Variants in LINGO1 observed in about 807,000 individuals in gnomAD.
The protein encoded by LINGO1 is leucine rich repeat and Ig domain containing 1.
In LINGO1, 11 loss-of-function variants were observed where a neutral mutation model predicts 37.3. The ratio of observed to expected loss-of-function variants is 0.29; its 90% CI spans 0.19 to 0.49. LINGO1 has a LOEUF of 0.49. Ranked by LOEUF, LINGO1 falls within the 20% of genes least tolerant of loss-of-function variation. The pLI is 0.99. For missense variants in LINGO1, 585 were observed against 878.2 expected (o/e 0.67, Z 4.22); for synonymous variants, 387 against 403.0 (o/e 0.96, Z 0.48).
intron 3 of LINGO1, among the ~76,000 whole-genome samples, chr15:77,643,261 C>T (rs570744127): frequency 1.1e-4 from 17 of 152,302 alleles, no homozygotes; most frequent in Non-Finnish European, 1.5e-4. Flanking sequence ...GGGAGCAGGA[C>T]GGCTGTGTGG....
At chr15:77,786,720 C>T (rs2076774995) in intron 1 of LINGO1, 1 of 152,340 alleles carries the variant, frequency 6.6e-6, no homozygotes, top group Non-Finnish European at 1.5e-5. Flanking sequence ...TGTACTGGGG[C>T]AGAGTCAAAG....
chr15:77,621,707 C>T (rs1050797893), intron 1 of LINGO1, among the ~76,000 whole-genome samples: 11 of 152,194 alleles, frequency 7.2e-5, no homozygotes, highest in Non-Finnish European at 1.2e-4. Context: ...TTCCAGAAAA[C>T]GGGGTGTTAC....
chr15:77,820,189 G>A (rs1481013147), intron 1 of LINGO1: 1 of 152,164 alleles, frequency 6.6e-6, no homozygotes, highest in African/African-American at 2.4e-5. Flanking sequence ...CTAGGGTGGC[G>A]ACGTCCCGCG....
chr15:77,796,307 C>T (rs570123939), intron 1 of LINGO1, among the ~76,000 whole-genome samples: 6 of 151,756 alleles, frequency 4.0e-5, no homozygotes, highest in Non-Finnish European at 8.8e-5. Context: ...TGCGTGCGGG[C>T]GTGCACACAC....
chr15:77,665,383 A>G (rs1186736898), intron 3 of LINGO1, among the ~76,000 whole-genome samples: 1 of 152,132 alleles, frequency 6.6e-6, no homozygotes, highest in Non-Finnish European at 1.5e-5. Flanking sequence ...ACATCCTGCT[A>G]GAGGGCAGTG....
chr15:77,701,459 G>A (rs2075781657), upstream of LINGO1, among the ~76,000 whole-genome samples: 1 of 152,126 alleles, frequency 6.6e-6, no homozygotes, highest in African/African-American at 2.4e-5. Flanking sequence ...GAACCCCGGA[G>A]GCCCCAAGTT....
intron 3 of LINGO1, among the ~76,000 whole-genome samples, chr15:77,676,153 G>A (rs1006964988): frequency 6.6e-6 from 1 of 152,238 alleles, no homozygotes; most frequent in Non-Finnish European, 1.5e-5. Context: ...TGCGGCAGCT[G>A]GGGGATCAGG....
intron 2 of LINGO1, among the ~76,000 whole-genome samples, chr15:77,679,514 C>G (rs1029444047): frequency 6.6e-6 from 1 of 152,170 alleles, no homozygotes; most frequent in African/African-American, 2.4e-5. Flanking sequence ...GAGTGCTTTA[C>G]TCATAGTAAC....
At position 77,614,019 on chromosome 15, in the gene LINGO1, G is replaced by C. The variant is rs2073595706; in HGVS notation, c.*25C>G. On this transcript the variant is annotated 3_prime_UTR_variant, in exon 2 of 2. Coordinates refer to ENST00000355300, the MANE Select transcript of LINGO1 (RefSeq NM_032808.7). ...GCCCCTTCCCCTGCCCGGCCGCCCG[G>C]GGGTCCCTGCCCCCCGCCCCGGCCT... The C allele has an allele frequency of 1.3e-6, 2 of 1,542,410 alleles. No homozygotes were observed. Among genetic ancestry groups the C allele is most frequent in the Non-Finnish European group, 1.8e-6 (2 of 1,142,014 alleles).
intron 1 of LINGO1, among the ~76,000 whole-genome samples, chr15:77,622,897 C>T (rs576633698): frequency 4.6e-5 from 7 of 152,336 alleles, no homozygotes; most frequent in East Asian, 3.9e-4. Context: ...CGGCCTCTGG[C>T]GGGTCCCCTC....
chr15:77,817,461 G>C (rs761056867), intron 1 of LINGO1, among the ~76,000 whole-genome samples: 6 of 152,192 alleles, frequency 3.9e-5, no homozygotes, highest in Non-Finnish European at 8.8e-5. Flanking sequence ...GGGCGGGAGT[G>C]ATTCGGATCC....
At chr15:77,720,053 C>T (rs995594949) in intron 2 of LINGO1, among the ~76,000 whole-genome samples, 1 of 150,006 alleles carries the variant, frequency 6.7e-6, no homozygotes, top group African/African-American at 2.4e-5. Context: ...GCCTCACCAC[C>T]CCTCCTGCTG....
At chr15:77,776,060 GCCA>G (rs998213932) in intron 1 of LINGO1, among the ~76,000 whole-genome samples, 1 of 152,010 alleles carries the variant, frequency 6.6e-6, no homozygotes, top group Non-Finnish European at 1.5e-5. Flanking sequence ...GCCTGTGGCC[GCCA>G]CCACCACGGC....
intron 2 of LINGO1, among the ~76,000 whole-genome samples, chr15:77,681,738 C>T (rs2075416916): frequency 6.6e-6 from 1 of 151,446 alleles, no homozygotes; most frequent in Non-Finnish European, 1.5e-5. Flanking sequence ...AGAGCTGGCA[C>T]AGGAATGAGG....
chr15:77,715,288 G>A (rs932601184), intron 2 of LINGO1, among the ~76,000 whole-genome samples: 7 of 152,372 alleles, frequency 4.6e-5, no homozygotes, highest in African/African-American at 1.2e-4. Context: ...TGAGCAGGGC[G>A]TGGCTTGGGG....
intron 1 of LINGO1, among the ~76,000 whole-genome samples, chr15:77,796,875 G>A (rs1390195086): frequency 2.6e-5 from 4 of 152,172 alleles, no homozygotes; most frequent in Non-Finnish European, 5.9e-5. Context: ...ACCACACCTG[G>A]CTAATTTTTT....
At position 77,632,738 on chromosome 15, in the gene LINGO1, C is replaced by A. The variant is rs2074300704; in HGVS notation, c.-423G>T. Among the ~76,000 whole-genome samples, 1 of 145,728 alleles carries A rather than the reference C, an allele frequency of 6.9e-6. No individual in the cohort carries two copies. The highest frequency in any genetic ancestry group is 1.5e-5 in the Non-Finnish European group (1 of 65,656). On this transcript the variant is annotated 5_prime_UTR_variant, in exon 1 of 2. Coordinates refer to ENST00000355300, the MANE Select transcript of LINGO1 (RefSeq NM_032808.7). The surrounding 1 kb of genome is among the most constrained non-coding windows in gnomAD (Gnocchi z 6.0). ...AGCGGCCGCGCATGCTGCTCGGCGCCCCGCGTCGGGAGAGGGGCCGGAGCG... is the reference window on the plus strand; with the variant it reads ...AGCGGCCGCGCATGCTGCTCGGCGCACCGCGTCGGGAGAGGGGCCGGAGCG...
Position 77,740,435 on chromosome 15 carries a change from T to C in LINGO1, c.-256-5382A>G, listed in dbSNP as rs559111189. Among the ~76,000 whole-genome samples, 4 of 152,304 alleles carry C rather than the reference T, an allele frequency of 2.6e-5. No individual in the cohort carries two copies. In the East Asian group the frequency reaches 7.7e-4, roughly 29 times the overall value. ...TTGTCTCCAGCTTCTCCCTCCAAGA[T>C]GCAGCACAAATGTTGCCTCAGTGGC... On this transcript the variant is annotated intron_variant, in intron 1 of 3. Coordinates refer to the LINGO1 transcript ENST00000561686.
chr15:77,792,981 T>C (rs1350717744), intron 2 of LINGO1, among the ~76,000 whole-genome samples: 8 of 152,184 alleles, frequency 5.3e-5, no homozygotes, highest in Admixed American at 5.2e-4. Context: ...GAGAGGCCAT[T>C]AGCTCTACCC....
Sources: gnomAD v4.1 joint callset for allele counts (sites outside exome capture counted in the v4.1 genomes callset) on GRCh38, gnomAD v4.1.1 for gene constraint, Gnocchi (gnomAD v3.1) non-coding constraint, MANE v1.5 for transcripts, NCBI Gene and HGNC (gene_info 2026-07-23, HGNC 2026-07-21) for gene names.